Variants in ZCCHC4 observed in about 807,000 individuals in gnomAD.
The protein encoded by ZCCHC4 is rRNA N(6)-adenosine-methyltransferase ZCCHC4.
ZCCHC4 carries 54 observed loss-of-function variants against 67.7 expected under a neutral mutation model. The observed-to-expected ratio is 0.80, with a 90% CI of 0.64 to 1.00. The LOEUF (loss-of-function observed/expected upper bound fraction) is 1.00, where lower values mean the gene tolerates loss of function less well. Among genes scored for constraint, ZCCHC4 ranks in the 50% least tolerant of loss-of-function variants. ZCCHC4 has a pLI of 0.00. For synonymous variants in ZCCHC4, 198 were observed against 213.5 expected (o/e 0.93, Z 0.63); for missense variants, 609 against 617.0 (o/e 0.99, Z 0.14).
At position 25,351,735 on chromosome 4, in the gene ZCCHC4, T is replaced by G. The variant is rs1448352838; in HGVS notation, c.1011+46T>G. On this transcript the variant is annotated intron_variant, in intron 8 of 12. Coordinates refer to ENST00000302874, the MANE Select transcript of ZCCHC4 (RefSeq NM_024936.3). ...TCTGGCATGGTTGGGGAATGGAGAT[T>G]CTACTTGAATAGATATAAGACTATT... 2.1e-6 allele frequency: 3 copies of G among 1,450,012 alleles called. No individual in the cohort carries two copies. The Admixed American group carries it at 5.5e-5, about 26-fold the overall frequency. 89.8% of individuals were successfully genotyped at this position (1,450,012 alleles called of 1,614,324 possible). A position where few individuals can be genotyped will look rare whatever the true frequency, so the allele number is the denominator to read the frequency against.
At chr4:25,368,652 C>CA (rs377488294) in intron 12 of ZCCHC4, among the ~76,000 whole-genome samples, 63 of 151,462 alleles carry the variant, frequency 4.2e-4, no homozygotes, top group African/African-American at 1.2e-3. Flanking sequence ...AGCTCCTCTC[C>CA]AAAAAAAACG....
At chr4:25,362,550 G>A (rs967150442) in intron 10 of ZCCHC4, among the ~76,000 whole-genome samples, 3 of 152,058 alleles carry the variant, frequency 2.0e-5, no homozygotes, top group East Asian at 1.9e-4. Context: ...AATTATCAGC[G>A]TCTCAAATAA....
chr4:25,353,193 G>A (rs539331597), intron 8 of ZCCHC4, among the ~76,000 whole-genome samples: 1 of 152,112 alleles, frequency 6.6e-6, no homozygotes, highest in South Asian at 2.1e-4. Flanking sequence ...AAATAACACT[G>A]CTGTAAACAC....
chr4:25,356,140 C>G (rs1277971005), intron 8 of ZCCHC4, among the ~76,000 whole-genome samples: 1 of 152,146 alleles, frequency 6.6e-6, no homozygotes, highest in Admixed American at 6.5e-5. Context: ...TTTGTGCTTT[C>G]CCTCATTTCT....
At chr4:25,329,291 A>G (rs1270927930) in intron 3 of ZCCHC4, among the ~76,000 whole-genome samples, 1 of 151,958 alleles carries the variant, frequency 6.6e-6, no homozygotes, top group East Asian at 1.9e-4. Context: ...TTTTGATGTA[A>G]TTTTGAAAAT....
intron 3 of ZCCHC4, among the ~76,000 whole-genome samples, chr4:25,318,005 T>C (rs1718362438): frequency 1.3e-5 from 2 of 152,196 alleles, no homozygotes; most frequent in African/African-American, 4.8e-5. Context: ...TAAGGACTTA[T>C]GTAGAGATTT....
At chr4:25,324,342 G>A (rs1718751775) in intron 3 of ZCCHC4, among the ~76,000 whole-genome samples, 1 of 152,004 alleles carries the variant, frequency 6.6e-6, no homozygotes, top group Non-Finnish European at 1.5e-5. Flanking sequence ...AAGGGCAGGT[G>A]CATTCATTTA....
intron 3 of ZCCHC4, among the ~76,000 whole-genome samples, chr4:25,325,384 C>T (rs540471693): frequency 6.8e-6 from 1 of 147,488 alleles, no homozygotes; most frequent in Non-Finnish European, 1.5e-5. Flanking sequence ...TCTCGTGCCT[C>T]AGCCTCCTGA....
intron 12 of ZCCHC4, among the ~76,000 whole-genome samples, chr4:25,368,329 G>T (rs1057175122): frequency 1.3e-5 from 2 of 152,142 alleles, no homozygotes; most frequent in Non-Finnish European, 2.9e-5. Context: ...AGAAGTGAAT[G>T]GATGGGCCAG....
At chr4:25,337,032 T>G (rs534140154) in intron 5 of ZCCHC4, among the ~76,000 whole-genome samples, 1 of 152,376 alleles carries the variant, frequency 6.6e-6, no homozygotes, top group African/African-American at 2.4e-5. Context: ...TTAAACTTGT[T>G]TATATGCCTT....
At chr4:25,357,023 C>T (rs1216622236) in intron 8 of ZCCHC4, among the ~76,000 whole-genome samples, 1 of 152,136 alleles carries the variant, frequency 6.6e-6, no homozygotes, top group Admixed American at 6.5e-5. Context: ...AGGACTACAG[C>T]CTTAGAAAGC....
chr4:25,351,779 A>G, intron 8 of ZCCHC4, 90 bp downstream of exon 8: 1 of 1,220,094 alleles, frequency 8.2e-7, no homozygotes, highest in Non-Finnish European at 1.2e-6. Flanking sequence ...TTAGTAAAAT[A>G]CAATGAGCTG....
chr4:25,329,823 C>T (rs546141883), intron 3 of ZCCHC4, among the ~76,000 whole-genome samples: 90 of 152,048 alleles, frequency 5.9e-4, no homozygotes, highest in African/African-American at 2.1e-3. Flanking sequence ...CGTGAGCCAC[C>T]GCACCTGGCC....
chr4:25,351,826 C>G (rs1391111723), intron 8 of ZCCHC4, 137 bp downstream of exon 8: 5 of 969,162 alleles, frequency 5.2e-6, no homozygotes, highest in Non-Finnish European at 7.0e-6. Context: ...ATAGCTCAGT[C>G]CAGTGTTTTC....
intron 6 of ZCCHC4, among the ~76,000 whole-genome samples, chr4:25,347,903 T>C (rs1475468159): frequency 3.3e-5 from 5 of 152,226 alleles, no homozygotes; most frequent in African/African-American, 7.2e-5. Context: ...GTCAAATTAC[T>C]GTCAACATTG....
intron 8 of ZCCHC4, chr4:25,352,137 C>G (rs1720329828): frequency 1.0e-6 from 1 of 985,912 alleles, no homozygotes; most frequent in African/African-American, 1.7e-5. Flanking sequence ...TACTGCATCA[C>G]TCTTGGGATG....
intron 5 of ZCCHC4, among the ~76,000 whole-genome samples, chr4:25,344,903 A>T (rs1341453678): frequency 6.6e-6 from 1 of 151,810 alleles, no homozygotes; most frequent in East Asian, 1.9e-4. Context: ...CCTGGGCTCA[A>T]GCCATCCTAA....
At chr4:25,315,286 G>A in intron 2 of ZCCHC4, 32 bp from the exon 3 acceptor site, 1 of 1,576,102 alleles carries the variant, frequency 6.3e-7, no homozygotes, top group East Asian at 2.3e-5. Context: ...ATATTTCACA[G>A]TTTATTCAAT....
At chr4:25,344,210 T>C (rs1388735826) in intron 5 of ZCCHC4, among the ~76,000 whole-genome samples, 1 of 152,118 alleles carries the variant, frequency 6.6e-6, no homozygotes, top group Non-Finnish European at 1.5e-5. Context: ...AAAATGTTAA[T>C]ACCCAAAGGT....
Sources: gnomAD v4.1 joint callset for allele counts (sites outside exome capture counted in the v4.1 genomes callset) on GRCh38, gnomAD v4.1.1 for gene constraint, MANE v1.5 for transcripts, NCBI Gene and HGNC (gene_info 2026-07-23, HGNC 2026-07-21) for gene names.